The following CLVS1 variants were observed in gnomAD, a reference collection of about 807,000 sequenced individuals.
CLVS1 encodes clavesin-1.
A neutral mutation model predicts 33.1 loss-of-function variants in CLVS1; 10 were observed. That is an observed-to-expected ratio of 0.30 (90% CI 0.19 to 0.51). CLVS1 has a LOEUF of 0.51. CLVS1 is among the 20% of genes least tolerant of loss of function. The probability of loss-of-function intolerance (pLI) is 0.97; values close to 1 mark genes in which losing one functional copy is unlikely to be tolerated. For missense variants in CLVS1, 343 were observed against 433.4 expected, an observed-to-expected ratio of 0.79 and a Z score of 1.85; for synonymous variants, 163 against 166.1, an observed-to-expected ratio of 0.98 and a Z score of 0.14.
chr8:61,494,546 T>C (rs1804202747), intron 5 of CLVS1, among the ~76,000 whole-genome samples: 2 of 152,114 alleles, frequency 1.3e-5, no homozygotes, highest in African/African-American at 4.8e-5. Flanking sequence ...AATGAAGAGA[T>C]TACCACCAAG....
At chr8:60,973,261 G>A in the CLVS1 span, among the ~76,000 whole-genome samples, 6 of 152,328 alleles carry the variant, frequency 3.9e-5, no homozygotes, top group African/African-American at 1.4e-4. Flanking sequence ...CATTGGGTAG[G>A]AATATTTATC....
At chr8:61,284,914 A>G (rs894545389), upstream of CLVS1, among the ~76,000 whole-genome samples, 7 of 152,228 alleles carry the variant, frequency 4.6e-5, no homozygotes, top group Non-Finnish European at 1.0e-4. Flanking sequence ...AGACTCACAT[A>G]CATTATGAAA....
intron 3 of CLVS1, among the ~76,000 whole-genome samples, chr8:61,399,386 T>A (rs535927657): frequency 2.6e-5 from 4 of 152,274 alleles, no homozygotes; most frequent in African/African-American, 7.2e-5. Context: ...GACTTTTTAA[T>A]GGGGTTGTTT....
At chr8:61,029,533 G>C in the CLVS1 span, among the ~76,000 whole-genome samples, 1 of 152,054 alleles carries the variant, frequency 6.6e-6, no homozygotes, top group Non-Finnish European at 1.5e-5. Flanking sequence ...GAGACGAATG[G>C]GACCTGCTAA....
chr8:61,170,659 C>T (rs1806975405), intron 2 of CLVS1, among the ~76,000 whole-genome samples: 1 of 152,148 alleles, frequency 6.6e-6, no homozygotes, highest in South Asian at 2.1e-4. Context: ...GCCTTGACAT[C>T]CTTACTGGAA....
intron 3 of CLVS1, among the ~76,000 whole-genome samples, chr8:61,384,816 G>C (rs1234954708): frequency 5.9e-5 from 9 of 152,150 alleles, no homozygotes; most frequent in Admixed American, 5.9e-4. Flanking sequence ...ACTGAGAAAA[G>C]AACCCAAGTG....
In CLVS1 at chr8:61,166,062, C is replaced by A. The variant is rs555964991; in HGVS notation, c.-152+34202C>A. On this transcript the variant is annotated intron_variant, in intron 2 of 2. Transcript: ENST00000522621. ...TTTTTTTTTGCCTGCCTTTGGAATG[C>A]TACAGGTTTGAAAGGGCTGCGTCTT... Among the ~76,000 whole-genome samples the A allele has an allele frequency of 2.5e-5, 3 of 121,874 alleles. No individual in the cohort carries two copies. The Admixed American group carries it at 2.9e-4, about 12-fold the overall frequency. The allele number at this position is 121,874 out of a possible 152,430, so 80.0% of individuals were successfully genotyped here. A position where few individuals can be genotyped will look rare whatever the true frequency, so the allele number is the denominator to read the frequency against.
intron 2 of CLVS1, among the ~76,000 whole-genome samples, chr8:61,161,030 C>T (rs1288993053): frequency 1.3e-5 from 2 of 152,112 alleles, no homozygotes; most frequent in Non-Finnish European, 2.9e-5. Context: ...GCGGAATAGG[C>T]ATTTCTCCAA....
chr8:61,033,110 AGAAGGAAGGAAGAAAG>A, the CLVS1 span, among the ~76,000 whole-genome samples: 117 of 89,904 alleles, frequency 1.3e-3, 11 homozygotes, highest in Non-Finnish European at 1.7e-3. Flanking sequence ...ATAGAAAGAA[AGAAGGAAGGAAGAAAG>A]GAAAGAAAGA....
intron 1 of CLVS1, among the ~76,000 whole-genome samples, chr8:61,297,995 C>T (rs760674489): frequency 4.6e-5 from 7 of 152,122 alleles, no homozygotes; most frequent in Non-Finnish European, 1.0e-4. Flanking sequence ...TTGCTTGGAA[C>T]CTGTTGTTCT....
rs1343825441 is a variant in CLVS1 at position 61,266,415 on chromosome 8, T to TC, written c.-151-33257dup. ...CCAGATTTGGTTAATATCCTTTTCT[T>TC]CCCCCAGGCCAAAGAACTTTGGCTC... On this transcript the variant is annotated intron_variant, in intron 2 of 2. Transcript: ENST00000522621. Among the ~76,000 whole-genome samples the TC allele has an allele frequency of 7.2e-5, 11 of 152,038 alleles. No homozygotes were observed. The South Asian group carries it at 2.3e-3, about 32-fold the overall frequency.
chr8:61,385,572 G>A (rs1232586402), intron 3 of CLVS1, among the ~76,000 whole-genome samples: 2 of 152,110 alleles, frequency 1.3e-5, no homozygotes, highest in African/African-American at 2.4e-5. Context: ...GAGGAGAGGA[G>A]GGCATTTACA....
At chr8:61,230,636 G>GT (rs879418720) in intron 2 of CLVS1, among the ~76,000 whole-genome samples, 76 of 152,162 alleles carry the variant, frequency 5.0e-4, no homozygotes, top group Non-Finnish European at 9.3e-4. Context: ...ATAATTTGCT[G>GT]TTTTTTCTTT....
chr8:61,244,308 G>T (rs1229688674), intron 2 of CLVS1, among the ~76,000 whole-genome samples: 3 of 151,912 alleles, frequency 2.0e-5, no homozygotes, highest in Non-Finnish European at 2.9e-5. Flanking sequence ...AAAAGGTTTT[G>T]TTACTGATTT....
intron 2 of CLVS1, among the ~76,000 whole-genome samples, chr8:61,135,305 G>A (rs1806174032): frequency 6.6e-6 from 1 of 152,044 alleles, no homozygotes; most frequent in Non-Finnish European, 1.5e-5. Flanking sequence ...CCTGTGACTT[G>A]TCTGGGGAAC....
At chr8:61,498,570 T>C (rs2129608904) in intron 5 of CLVS1, among the ~76,000 whole-genome samples, 1 of 152,352 alleles carries the variant, frequency 6.6e-6, no homozygotes, top group South Asian at 2.1e-4. Flanking sequence ...TTAATTCATA[T>C]TATAAACTTC....
chr8:61,352,648 T>C (rs913537699), intron 2 of CLVS1, among the ~76,000 whole-genome samples: 1 of 151,952 alleles, frequency 6.6e-6, no homozygotes, highest in African/African-American at 2.4e-5. Flanking sequence ...GAAACTACCA[T>C]AGATAATGAA....
the CLVS1 span, among the ~76,000 whole-genome samples, chr8:61,037,422 T>C: frequency 6.6e-6 from 1 of 152,232 alleles, no homozygotes; most frequent in Non-Finnish European, 1.5e-5. Flanking sequence ...CTTAGCATAA[T>C]GTCCTCAAGG....
chr8:61,100,356 T>C (rs1210521653), intron 1 of CLVS1, among the ~76,000 whole-genome samples: 5 of 152,188 alleles, frequency 3.3e-5, no homozygotes, highest in Non-Finnish European at 7.3e-5. Flanking sequence ...GTGAGTGGTC[T>C]AAATTAGTGA....
Sources: gnomAD v4.1 joint callset for allele counts (sites outside exome capture counted in the v4.1 genomes callset) on GRCh38, gnomAD v4.1.1 for gene constraint, MANE v1.5 for transcripts, NCBI Gene and HGNC (gene_info 2026-07-23, HGNC 2026-07-21) for gene names.